The following SLC22A3 variants were observed in gnomAD, a reference collection of about 807,000 sequenced individuals.
SLC22A3 encodes solute carrier family 22 member 3.
Under a neutral mutation model 59.1 loss-of-function variants are expected in SLC22A3, and 51 were observed. The ratio of observed to expected loss-of-function variants is 0.86; its 90% CI spans 0.69 to 1.09. SLC22A3 has a LOEUF of 1.09. SLC22A3 is among the 50% of genes least tolerant of loss of function. The probability of loss-of-function intolerance (pLI) is 0.00; values close to 1 mark genes in which losing one functional copy is unlikely to be tolerated. For synonymous variants in SLC22A3, 325 were observed against 292.0 expected (o/e 1.11, Z -1.15); for missense variants, 711 against 726.3 (o/e 0.98, Z 0.24).
At chr6:160,349,581 G>A (rs1784594482) in intron 1 of SLC22A3, among the ~76,000 whole-genome samples, 1 of 152,188 alleles carries the variant, frequency 6.6e-6, no homozygotes, top group Admixed American at 6.5e-5. Context: ...CTGCCGGCGG[G>A]TGGGCGGGGG....
At chr6:160,359,818 T>G (rs961726280) in intron 1 of SLC22A3, among the ~76,000 whole-genome samples, 1 of 152,152 alleles carries the variant, frequency 6.6e-6, no homozygotes, top group Non-Finnish European at 1.5e-5. Flanking sequence ...ACAGATAGTC[T>G]ATGTTTGAAC....
At chr6:160,380,596 A>G (rs915226261) in intron 1 of SLC22A3, among the ~76,000 whole-genome samples, 4 of 152,220 alleles carry the variant, frequency 2.6e-5, no homozygotes, top group Non-Finnish European at 5.9e-5. Context: ...AAATATGCAT[A>G]TCAGTGTGGA....
At chr6:160,392,318 C>T (rs918775841) in intron 1 of SLC22A3, among the ~76,000 whole-genome samples, 1 of 152,198 alleles carries the variant, frequency 6.6e-6, no homozygotes, top group African/African-American at 2.4e-5. Context: ...CTTCTCTGGT[C>T]CAACCTTCTT....
At chr6:160,383,440 T>G (rs552458229) in intron 1 of SLC22A3, among the ~76,000 whole-genome samples, 1 of 152,284 alleles carries the variant, frequency 6.6e-6, no homozygotes, top group South Asian at 2.1e-4. Context: ...TGGGGGGCCC[T>G]TCCCGCTTTC....
chr6:160,383,552 T>C (rs185143418), intron 1 of SLC22A3, among the ~76,000 whole-genome samples: 1 of 151,214 alleles, frequency 6.6e-6, no homozygotes, highest in Non-Finnish European at 1.5e-5. Context: ...TCTTTTTTTT[T>C]CCAAAGTGAA....
At chr6:160,438,597 TAC>T (rs10618183) in intron 7 of SLC22A3, among the ~76,000 whole-genome samples, 5,342 of 149,812 alleles carry the variant, frequency 0.036, 145 homozygotes, top group African/African-American at 0.07. Flanking sequence ...CACACACACA[TAC>T]ACACACACAC....
At chr6:160,354,170 A>T (rs1458610412) in intron 1 of SLC22A3, among the ~76,000 whole-genome samples, 1 of 152,164 alleles carries the variant, frequency 6.6e-6, no homozygotes, top group Non-Finnish European at 1.5e-5. Context: ...TATTTTTGGC[A>T]TTGACATCTT....
chr6:160,420,956 C>T (rs980264228), intron 5 of SLC22A3, among the ~76,000 whole-genome samples: 2 of 152,186 alleles, frequency 1.3e-5, no homozygotes, highest in Admixed American at 1.3e-4. Flanking sequence ...TCTTTCCGCA[C>T]CCCTTCCTCC....
At chr6:160,350,908 G>T (rs1784637628) in intron 1 of SLC22A3, among the ~76,000 whole-genome samples, 1 of 152,084 alleles carries the variant, frequency 6.6e-6, no homozygotes, top group Non-Finnish European at 1.5e-5. Flanking sequence ...CCTTCTCTGG[G>T]CTTGTATTTT....
intron 3 of SLC22A3, among the ~76,000 whole-genome samples, chr6:160,408,294 G>C (rs1456287344): frequency 6.6e-6 from 1 of 152,162 alleles, no homozygotes; most frequent in Non-Finnish European, 1.5e-5. Context: ...TTGTGATAAC[G>C]AAAAGTCTTT....
intron 1 of SLC22A3, among the ~76,000 whole-genome samples, chr6:160,361,381 A>T (rs1172859294): frequency 6.6e-6 from 1 of 152,244 alleles, no homozygotes; most frequent in African/African-American, 2.4e-5. Flanking sequence ...TCTAGATTAT[A>T]TCAGATTTCT....
chr6:160,390,206 C>T (rs566682430), intron 1 of SLC22A3, among the ~76,000 whole-genome samples: 34 of 152,190 alleles, frequency 2.2e-4, no homozygotes, highest in African/African-American at 7.2e-4. Flanking sequence ...GCCTAAAAAT[C>T]GGAGCCTGGG....
At position 160,426,423 on chromosome 6, in the gene SLC22A3, G is replaced by A. The variant is rs532251983; in HGVS notation, c.976-10357G>A. ...TTGGGCTGTGCAACACTCGTCTCAT[G>A]TCCTACTTGATTTTCTTCTCCCTTT... On this transcript the variant is annotated intron_variant, in intron 5 of 10. Transcript: ENST00000275300. The A allele has an allele frequency of 3.3e-6, 3 of 906,848 alleles. No homozygotes were observed. In the African/African-American group the frequency reaches 5.4e-5, roughly 16 times the overall value. 56.2% of individuals were successfully genotyped at this position (906,848 alleles called of 1,614,324 possible).
chr6:160,354,888 G>T (rs1784777164), intron 1 of SLC22A3, among the ~76,000 whole-genome samples: 1 of 152,164 alleles, frequency 6.6e-6, no homozygotes, highest in Non-Finnish European at 1.5e-5. Flanking sequence ...TTCCCTTGAA[G>T]CTAGAGAGGC....
intron 1 of SLC22A3, among the ~76,000 whole-genome samples, chr6:160,377,085 C>T (rs527490693): frequency 1.3e-5 from 2 of 151,992 alleles, no homozygotes; most frequent in Non-Finnish European, 2.9e-5. Flanking sequence ...GGTGTAGGGG[C>T]GGGGAGACTA....
At chr6:160,356,782 G>T (rs930624382) in intron 1 of SLC22A3, among the ~76,000 whole-genome samples, 1 of 152,190 alleles carries the variant, frequency 6.6e-6, no homozygotes, top group Non-Finnish European at 1.5e-5. Flanking sequence ...CTTTGGTGTG[G>T]CTTTTTAAAA....
At chr6:160,374,731 C>A (rs1785527465) in intron 1 of SLC22A3, among the ~76,000 whole-genome samples, 1 of 152,134 alleles carries the variant, frequency 6.6e-6, no homozygotes, top group Non-Finnish European at 1.5e-5. Context: ...GGGGACCTGG[C>A]TTTCCAGTTA....
chr6:160,376,626 T>A (rs1785605720), intron 1 of SLC22A3, among the ~76,000 whole-genome samples: 1 of 152,160 alleles, frequency 6.6e-6, no homozygotes, highest in Non-Finnish European at 1.5e-5. Context: ...CCTGAACACC[T>A]GGATGTGTAG....
intron 1 of SLC22A3, among the ~76,000 whole-genome samples, chr6:160,369,530 T>C (rs1031630666): frequency 2.6e-5 from 4 of 152,214 alleles, no homozygotes; most frequent in African/African-American, 9.7e-5. Context: ...ATCTTTTTTG[T>C]GGGTCTTTTA....
Sources: allele counts gnomAD v4.1 joint callset (sites outside exome capture counted in the v4.1 genomes callset), GRCh38; gene constraint gnomAD v4.1.1; transcripts MANE v1.5; gene names NCBI Gene and HGNC (gene_info 2026-07-23, HGNC 2026-07-21).